Variants in RRBP1 observed in about 807,000 individuals in gnomAD.
RRBP1 encodes the protein ribosome binding protein 1.
A neutral mutation model predicts 165.2 loss-of-function variants in RRBP1; 94 were observed. The observed-to-expected ratio is 0.57, with a 90% confidence interval of 0.48 to 0.68. The LOEUF (loss-of-function observed/expected upper bound fraction) is 0.68. RRBP1 is among the 30% of genes least tolerant of loss of function. The pLI is 0.00. For synonymous variants in RRBP1, 680 were observed against 714.5 expected, an observed-to-expected ratio of 0.95 and a Z score of 0.77; for missense variants, 1,676 against 1,763.0, an observed-to-expected ratio of 0.95 and a Z score of 0.88.
intron 2 of RRBP1, among the ~76,000 whole-genome samples, chr20:17,665,587 G>A (rs534281831): frequency 6.6e-6 from 1 of 152,170 alleles, no homozygotes; most frequent in Admixed American, 6.5e-5. Context: ...TGGCCAGGCT[G>A]GGGTTTATTT....
At position 17,614,805 on chromosome 20, in the gene RRBP1, T is replaced by C; in HGVS notation, c.4126A>G (p.Thr1376Ala). The C allele has an allele frequency of 6.2e-7, 1 of 1,613,916 alleles. No homozygotes were observed. The highest frequency in any genetic ancestry group is 8.5e-7 in the Non-Finnish European group (1 of 1,180,028). The change falls in exon 24 of 25, where the codon ACG (threonine) becomes GCG (alanine). Residue 1376 changes from threonine to alanine, a missense_variant. Physicochemically the swap from Thr to Ala is moderately conservative, Grantham distance 58. Around this residue, in one of 5 missense-constraint regions of RRBP1, gnomAD observed 1,184 missense variants for 1,167.1 expected, o/e 1.01. Transcript: ENST00000377813. ...TCCCTTGCCAGCTGCTCCTGGGTCGTCTTCAGAAGCTCCTGCAGTCTCGTG... is the reference window on the plus strand; with the variant it reads ...TCCCTTGCCAGCTGCTCCTGGGTCGCCTTCAGAAGCTCCTGCAGTCTCGTG... Reference protein sequence around the residue: ...AATRLQELLKTTQEQLAREKD... With the variant: ...AATRLQELLKATQEQLAREKD...
intron 20 of RRBP1, 36 bp downstream of exon 20, chr20:17,618,560 T>A (rs1193183345): frequency 7.9e-6 from 12 of 1,521,718 alleles, no homozygotes; most frequent in Non-Finnish European, 1.1e-5. Context: ...ACGCCCCAGG[T>A]CACACTCCTG....
intron 3 of RRBP1, among the ~76,000 whole-genome samples, chr20:17,655,344 T>C (rs1476956917): frequency 6.6e-6 from 1 of 152,218 alleles, no homozygotes; most frequent in East Asian, 1.9e-4. Flanking sequence ...AGAAAACTAC[T>C]ACTACATTGA....
intron 2 of RRBP1, among the ~76,000 whole-genome samples, chr20:17,675,338 G>A (rs2037058090): frequency 6.6e-6 from 1 of 152,232 alleles, no homozygotes; most frequent in African/African-American, 2.4e-5. Flanking sequence ...CAGAACGCCA[G>A]TGCTACAAAA....
chr20:17,654,201 A>G (rs2036607731), intron 3 of RRBP1, among the ~76,000 whole-genome samples: 1 of 152,180 alleles, frequency 6.6e-6, no homozygotes, highest in Admixed American at 6.5e-5. Context: ...GTCTCCCTGT[A>G]GGAGAGCCTT....
At chr20:17,654,258 A>T (rs946011173) in intron 3 of RRBP1, among the ~76,000 whole-genome samples, 6 of 152,218 alleles carry the variant, frequency 3.9e-5, no homozygotes, top group Admixed American at 3.9e-4. Context: ...GTGTGACCCC[A>T]TGATGGAACT....
At chr20:17,628,878 C>T (rs1162267160) in intron 9 of RRBP1, among the ~76,000 whole-genome samples, 5 of 152,282 alleles carry the variant, frequency 3.3e-5, no homozygotes, top group Non-Finnish European at 2.9e-5. Flanking sequence ...TTGAACACAG[C>T]CAGGCCCCTC....
rs772944510 is a variant in RRBP1 at position 17,618,699 on chromosome 20, C to A, written c.3676-20G>T. The A allele has an allele frequency of 2.5e-6, 4 of 1,593,556 alleles. No homozygotes were observed. The South Asian group carries it at 4.4e-5, about 18-fold the overall frequency. ...CCTCAGCTTGGGGAGAAAACAGAGG[C>A]GGGTGATGGGAAAAAAGGAGAGAAA... On this transcript the variant is annotated intron_variant, in intron 19 of 24. Transcript: ENST00000377813.
chr20:17,681,745 C>T (rs2037194490), intron 1 of RRBP1, among the ~76,000 whole-genome samples: 1 of 150,686 alleles, frequency 6.6e-6, no homozygotes, highest in Non-Finnish European at 1.5e-5. Flanking sequence ...CGCCACGTCG[C>T]GCCCGTCTGC....
intron 6 of RRBP1, among the ~76,000 whole-genome samples, chr20:17,636,351 A>G (rs2036248288): frequency 6.6e-6 from 1 of 152,194 alleles, no homozygotes; most frequent in Non-Finnish European, 1.5e-5. Context: ...AATGTATTTC[A>G]TACCTCCCTG....
At chr20:17,645,875 CCT>C (rs2036453802) in intron 3 of RRBP1, among the ~76,000 whole-genome samples, 1 of 152,208 alleles carries the variant, frequency 6.6e-6, no homozygotes. Context: ...AGCTCAGCTC[CCT>C]GAGGGCTTGC....
rs2229886 is a variant in RRBP1 at position 17,621,926 on chromosome 20, A to C, written c.3169T>G (p.Cys1057Gly). The change falls in exon 14 of 25, where the codon TGT becomes GGT. Residue 1057 changes from cysteine to glycine, a missense_variant. Transcript: ENST00000377813. ...QAKEESEKQL[C>G]LIEAQTMEAL... Reference sequence around the variant, plus strand: ...TCCATGGTCTGCGCCTCAATCAGACAGAGCTGCTTCTCCGATTCCTCCTGG... The same window carrying C: ...TCCATGGTCTGCGCCTCAATCAGACCGAGCTGCTTCTCCGATTCCTCCTGG... 4.3e-6 allele frequency: 7 copies of C among 1,612,330 alleles called. No individual in the cohort carries two copies.
intron 8 of RRBP1, among the ~76,000 whole-genome samples, chr20:17,632,449 G>A (rs954550719): frequency 6.6e-6 from 1 of 152,186 alleles, no homozygotes; most frequent in Non-Finnish European, 1.5e-5. Context: ...GAGTGGGTCT[G>A]CTTCACATGA....
chr20:17,614,811 G>A lies in RRBP1; in HGVS notation c.4120C>T (p.Leu1374=). The A allele has an allele frequency of 6.2e-7, 1 of 1,613,898 alleles. No homozygotes were observed. Among genetic ancestry groups the A allele is most frequent in the African/African-American group, 1.3e-5 (1 of 75,068 alleles). Residue 1374 remains leucine, a synonymous_variant, in exon 24 of 25, where the codon CTG becomes TTG. Transcript: ENST00000377813. ...GRAATRLQEL[L]KTTQEQLARE... is the part of the protein sequence containing the mutation. ...GCCAGCTGCTCCTGGGTCGTCTTCA[G>A]AAGCTCCTGCAGTCTCGTGGCGGCG...
chr20:17,652,172 T>C (rs948053551), intron 3 of RRBP1, among the ~76,000 whole-genome samples: 1 of 152,214 alleles, frequency 6.6e-6, no homozygotes, highest in African/African-American at 2.4e-5. Context: ...GCCACCTCCT[T>C]TCAGAAGGTC....
At chr20:17,654,050 G>T (rs1165545348) in intron 3 of RRBP1, among the ~76,000 whole-genome samples, 1 of 152,140 alleles carries the variant, frequency 6.6e-6, no homozygotes, top group Non-Finnish European at 1.5e-5. Flanking sequence ...TGGCCATGCA[G>T]GGTCTGACCA....
intron 22 of RRBP1, 126 bp downstream of exon 22, chr20:17,615,800 G>GAAGGCC (rs1568749220): frequency 1.2e-6 from 1 of 842,576 alleles, no homozygotes; most frequent in Non-Finnish European, 1.8e-6. Context: ...CTGCTGCCCA[G>GAAGGCC]AAGGCCCAGG....
rs905063571 is a variant in RRBP1 at position 17,613,893 on chromosome 20, C to T, written c.*289G>A. 1 of 413,994 alleles carries T rather than the reference C, an allele frequency of 2.4e-6. No individual in the cohort carries two copies. The highest frequency in any genetic ancestry group is 3.7e-5 in the South Asian group (1 of 27,344). The allele number at this position is 413,994 out of a possible 1,614,324, so 25.6% of individuals were successfully genotyped here. A position where few individuals can be genotyped will look rare whatever the true frequency, so the allele number is the denominator to read the frequency against. On this transcript the variant is annotated 3_prime_UTR_variant, in exon 25 of 25. Coordinates refer to ENST00000377813, the MANE Select transcript of RRBP1 (RefSeq NM_001365613.2). ...ACAGACCCCAGAGCGCCCGGCCTCC[C>T]ACACACCCACGGGGCTGTCAGAGTC...
At chr20:17,651,374 A>G (rs1335727280) in intron 3 of RRBP1, among the ~76,000 whole-genome samples, 1 of 152,224 alleles carries the variant, frequency 6.6e-6, no homozygotes, top group Non-Finnish European at 1.5e-5. Flanking sequence ...TGACTTGACA[A>G]TTACTTATCT....
Sources: allele counts gnomAD v4.1 joint callset (sites outside exome capture counted in the v4.1 genomes callset), GRCh38; gene constraint gnomAD v4.1.1; regional missense constraint gnomAD v4.1.1; transcripts MANE v1.5; gene names NCBI Gene and HGNC (gene_info 2026-07-23, HGNC 2026-07-21).